The following PDXDC1 variants were observed in gnomAD, a reference collection of about 807,000 sequenced individuals.
The protein encoded by PDXDC1 is pyridoxal dependent decarboxylase domain containing 1, also known as pyridoxal-dependent decarboxylase domain-containing protein 1.
A neutral mutation model predicts 100.1 loss-of-function variants in PDXDC1; 42 were observed. That is an observed-to-expected ratio of 0.42 (90% CI 0.33 to 0.54). The LOEUF is 0.54. Ranked by LOEUF, PDXDC1 falls within the 20% of genes least tolerant of loss-of-function variation. PDXDC1 has a pLI of 0.10. For missense variants in PDXDC1, 636 were observed against 979.2 expected (o/e 0.65, Z 4.68); for synonymous variants, 260 against 371.7 (o/e 0.70, Z 3.46).
chr16:14,984,471 G>GTA (rs1968811220), intron 1 of PDXDC1, among the ~76,000 whole-genome samples: 1 of 105,638 alleles, frequency 9.5e-6, no homozygotes, highest in Non-Finnish European at 1.9e-5. Flanking sequence ...GTGTGTGTGT[G>GTA]TATACATATA....
intron 1 of PDXDC1, among the ~76,000 whole-genome samples, chr16:14,976,401 T>A (rs1966840112): frequency 6.6e-6 from 1 of 152,266 alleles, no homozygotes. Flanking sequence ...TTGTAAAGGT[T>A]GGGCCAGATG....
chr16:15,094,495 C>T (rs1263065692), intron 16 of PDXDC1: 2 of 541,174 alleles, frequency 3.7e-6, no homozygotes, highest in South Asian at 2.5e-5. Context: ...CCTGAGGATC[C>T]CGAAGAAAGG....
intron 21 of PDXDC1, 60 bp downstream of exon 21, chr16:15,034,613 C>T: frequency 1.6e-6 from 2 of 1,241,994 alleles, no homozygotes; most frequent in Non-Finnish European, 2.4e-6. Flanking sequence ...ACCAAATGCC[C>T]TTGGGTCCCA....
At chr16:15,006,729 T>C (rs2040814117) in intron 6 of PDXDC1, 146 bp downstream of exon 6, 1 of 812,986 alleles carries the variant, frequency 1.2e-6, no homozygotes, top group Non-Finnish European at 1.8e-6. Flanking sequence ...TTGTAAAAAT[T>C]ACTGAATTTA....
intron 16 of PDXDC1, among the ~76,000 whole-genome samples, chr16:15,088,267 G>A (rs1156724076): frequency 6.6e-6 from 1 of 152,174 alleles, no homozygotes; most frequent in South Asian, 2.1e-4. Flanking sequence ...CTTGAGCCCA[G>A]GAATTTGAGA....
At chr16:14,990,600 A>G (rs1282450023) in intron 1 of PDXDC1, among the ~76,000 whole-genome samples, 14 of 152,286 alleles carry the variant, frequency 9.2e-5, no homozygotes, top group East Asian at 1.9e-4. Flanking sequence ...GAATTATCCA[A>G]TTAATGCAAC....
intron 16 of PDXDC1, chr16:15,104,385 G>T (rs1220498690): frequency 1.3e-6 from 2 of 1,596,344 alleles, no homozygotes; most frequent in Non-Finnish European, 1.7e-6. Flanking sequence ...GGGTGGAAGG[G>T]GAGTGAGCAG....
chr16:15,035,068 C>G (rs921242996), intron 21 of PDXDC1, among the ~76,000 whole-genome samples: 5 of 152,174 alleles, frequency 3.3e-5, no homozygotes, highest in Admixed American at 6.5e-5. Flanking sequence ...TTCCTACACT[C>G]GAGCCCCTTC....
Position 15,136,116 on chromosome 16 carries a change from C to T in PDXDC1, c.1400-2763C>T, listed in dbSNP as rs564928042. 1.9e-5 allele frequency: 29 copies of T among 1,563,792 alleles called. No individual in the cohort carries two copies. In the South Asian group the frequency reaches 3.0e-4, roughly 16 times the overall value. Reference sequence around the variant, plus strand: ...CCCGCTGCACAGTCGAGAAGCCGATCCACACGTCTAGGCTCCTGGGGGCGG... The same window carrying T: ...CCCGCTGCACAGTCGAGAAGCCGATTCACACGTCTAGGCTCCTGGGGGCGG... On this transcript the variant is annotated intron_variant, in intron 16 of 16. Coordinates refer to the PDXDC1 transcript ENST00000535621.
chr16:15,078,868 G>A (rs1268276878), intron 16 of PDXDC1, among the ~76,000 whole-genome samples: 1 of 147,842 alleles, frequency 6.8e-6, no homozygotes, highest in African/African-American at 2.5e-5. Flanking sequence ...CTGGAGCGGA[G>A]TGGCGCAATC....
At chr16:15,120,971 G>A (rs78151488) in intron 16 of PDXDC1, among the ~76,000 whole-genome samples, 59,373 of 59,404 alleles carry the variant, frequency 1, 29,671 homozygotes, top group Middle Eastern at 1. Flanking sequence ...TCAAAAAAAA[G>A]AAAAAAAAAA....
At chr16:15,028,556 T>C (rs2042803116) in intron 14 of PDXDC1, among the ~76,000 whole-genome samples, 1 of 152,304 alleles carries the variant, frequency 6.6e-6, no homozygotes, top group South Asian at 2.1e-4. Context: ...TAGATGATCG[T>C]GGCACTCACA....
intron 16 of PDXDC1, chr16:15,091,263 T>A (rs1184432963): frequency 3.7e-6 from 6 of 1,603,026 alleles, no homozygotes; most frequent in South Asian, 2.2e-5. Flanking sequence ...GCAAACTATG[T>A]CTGTATACAG....
At chr16:15,133,719 C>T (rs2151923433) in intron 16 of PDXDC1, 3 of 1,605,154 alleles carry the variant, frequency 1.9e-6, no homozygotes, top group East Asian at 4.5e-5. Context: ...GGACGGTCCC[C>T]ATGGCATCAC....
chr16:15,095,663 C>T (rs2046328713), intron 16 of PDXDC1, among the ~76,000 whole-genome samples: 1 of 151,950 alleles, frequency 6.6e-6, no homozygotes, highest in African/African-American at 2.4e-5. Context: ...ACCAGCCTGG[C>T]CAACATGACA....
At chr16:15,098,697 G>T (rs1425651860) in intron 16 of PDXDC1, among the ~76,000 whole-genome samples, 2 of 151,806 alleles carry the variant, frequency 1.3e-5, no homozygotes, top group African/African-American at 4.8e-5. Flanking sequence ...TGACCAACAT[G>T]GAAAAACCCT....
intron 16 of PDXDC1, chr16:15,136,002 G>A (rs139537698): frequency 0.02 from 30,598 of 1,545,918 alleles, 933 homozygotes; most frequent in Admixed American, 0.14. Flanking sequence ...TGCAGTGCTC[G>A]GCTGTGGCTG....
chr16:15,089,851 G>T (rs1436417046), intron 16 of PDXDC1, among the ~76,000 whole-genome samples: 2 of 147,336 alleles, frequency 1.4e-5, no homozygotes, highest in Admixed American at 1.4e-4. Context: ...CAGAAACGCT[G>T]AAGTTTTAAG....
Position 15,031,925 on chromosome 16 carries a change from G to A in PDXDC1, c.1571+19G>A, listed in dbSNP as rs375135561. The A allele has an allele frequency of 1.1e-4, 172 of 1,571,204 alleles. No individual in the cohort carries two copies. Among genetic ancestry groups the A allele is most frequent in the Admixed American group, 5.0e-4 (27 of 53,978 alleles). On this transcript the variant is annotated intron_variant, in intron 17 of 22. Transcript: ENST00000396410. ...TTGTCAGGTAAAGTCTTGGCCTGCC[G>A]CTTGATGTTGGAGACTTTTCTGTAT...
Sources: allele counts gnomAD v4.1 joint callset (sites outside exome capture counted in the v4.1 genomes callset), GRCh38; gene constraint gnomAD v4.1.1; transcripts MANE v1.5; gene names NCBI Gene and HGNC (gene_info 2026-07-23, HGNC 2026-07-21).